The following CTNNA3 variants were observed in gnomAD, a reference collection of about 807,000 sequenced individuals.
The protein encoded by CTNNA3 is catenin alpha 3.
In CTNNA3, 76 loss-of-function variants were observed where a neutral mutation model predicts 95.7. That is an observed-to-expected ratio of 0.79 (90% CI 0.66 to 0.96). The LOEUF is 0.96. Among genes scored for constraint, CTNNA3 ranks in the 40% least tolerant of loss-of-function variants. CTNNA3 has a pLI of 0.00. For synonymous variants in CTNNA3, 431 were observed against 374.4 expected, an observed-to-expected ratio of 1.15 and a Z score of -1.74; for missense variants, 1,191 against 1,089.8, an observed-to-expected ratio of 1.09 and a Z score of -1.31.
At chr10:67,407,645 A>G (rs1845187732) in intron 5 of CTNNA3, among the ~76,000 whole-genome samples, 1 of 152,228 alleles carries the variant, frequency 6.6e-6, no homozygotes, top group Admixed American at 6.5e-5. Context: ...TGCAGGTGAC[A>G]TAATTGCGTA....
chr10:67,341,509 T>C (rs1428567075), intron 5 of CTNNA3, among the ~76,000 whole-genome samples: 2 of 152,238 alleles, frequency 1.3e-5, no homozygotes, highest in Non-Finnish European at 2.9e-5. Context: ...ATCCATGTGG[T>C]TCCAAATGAC....
intron 7 of CTNNA3, among the ~76,000 whole-genome samples, chr10:67,131,197 C>G (rs1386203263): frequency 6.6e-6 from 1 of 151,952 alleles, no homozygotes; most frequent in East Asian, 1.9e-4. Context: ...TCTAGGAAGC[C>G]TTTTCTGAGC....
chr10:66,685,729 A>G (rs1847274970), intron 9 of CTNNA3, among the ~76,000 whole-genome samples: 1 of 151,970 alleles, frequency 6.6e-6, no homozygotes, highest in Admixed American at 6.6e-5. Flanking sequence ...TAAAATGACC[A>G]TGAACAATTT....
At chr10:66,888,764 C>T (rs1005927571) in intron 7 of CTNNA3, among the ~76,000 whole-genome samples, 4 of 152,160 alleles carry the variant, frequency 2.6e-5, no homozygotes, top group African/African-American at 9.7e-5. Flanking sequence ...TCATTCATTG[C>T]TGCTGGGGAT....
chr10:66,584,830 T>G (rs1477656945), intron 10 of CTNNA3, among the ~76,000 whole-genome samples: 1 of 152,080 alleles, frequency 6.6e-6, no homozygotes, highest in Non-Finnish European at 1.5e-5. Flanking sequence ...TAACAACAAC[T>G]TGTTTCAAGA....
chr10:66,914,830 G>A (rs1192035639), intron 7 of CTNNA3, among the ~76,000 whole-genome samples: 1 of 152,018 alleles, frequency 6.6e-6, no homozygotes, highest in Non-Finnish European at 1.5e-5. Context: ...GCACATGAAT[G>A]TTTCTTTATT....
At chr10:67,159,476 T>C (rs1443672851) in intron 7 of CTNNA3, among the ~76,000 whole-genome samples, 1 of 152,124 alleles carries the variant, frequency 6.6e-6, no homozygotes, top group Non-Finnish European at 1.5e-5. Context: ...AAGACAGACA[T>C]ACAGACCAAT....
chr10:67,734,166 A>C (rs1261917410), intron 1 of CTNNA3, among the ~76,000 whole-genome samples: 1 of 152,140 alleles, frequency 6.6e-6, no homozygotes. Context: ...CAACAAAATT[A>C]CCATAACTTC....
intron 11 of CTNNA3, among the ~76,000 whole-genome samples, chr10:66,493,498 T>G (rs1839992487): frequency 6.6e-6 from 1 of 152,068 alleles, no homozygotes; most frequent in African/African-American, 2.4e-5. Flanking sequence ...CCTTGTCATT[T>G]AATTCTTTGG....
At chr10:67,367,050 T>C (rs898203861) in intron 5 of CTNNA3, among the ~76,000 whole-genome samples, 2 of 152,116 alleles carry the variant, frequency 1.3e-5, no homozygotes, top group Non-Finnish European at 2.9e-5. Context: ...AATTTATGGC[T>C]AAGTCCTGCA....
intron 6 of CTNNA3, among the ~76,000 whole-genome samples, chr10:67,195,703 A>G (rs1024406696): frequency 2.6e-5 from 4 of 152,070 alleles, no homozygotes; most frequent in Admixed American, 6.6e-5. Context: ...CATCCAATAT[A>G]TTTCAGATTC....
At chr10:67,510,761 T>G (rs1839598253) in intron 5 of CTNNA3, among the ~76,000 whole-genome samples, 2 of 152,190 alleles carry the variant, frequency 1.3e-5, no homozygotes, top group South Asian at 2.1e-4. Flanking sequence ...GGGGATGGTA[T>G]TGAATCTATA....
intron 5 of CTNNA3, among the ~76,000 whole-genome samples, chr10:67,441,525 A>G (rs993590624): frequency 5.9e-5 from 9 of 152,126 alleles, no homozygotes; most frequent in Non-Finnish European, 1.3e-4. Flanking sequence ...CAAAACTCCC[A>G]AAGTTCAAGG....
At chr10:65,961,375 C>A (rs188610157) in intron 17 of CTNNA3, among the ~76,000 whole-genome samples, 82 of 152,220 alleles carry the variant, frequency 5.4e-4, no homozygotes, top group African/African-American at 1.9e-3. Flanking sequence ...ATAAAAACAC[C>A]TTCTAAATGC....
chr10:66,224,358 C>G (rs967606932), intron 13 of CTNNA3, among the ~76,000 whole-genome samples: 2 of 152,194 alleles, frequency 1.3e-5, no homozygotes, highest in African/African-American at 4.8e-5. Context: ...ATGCCTGACA[C>G]ATTTTATACT....
chr10:66,934,939 T>C (rs568317324), intron 7 of CTNNA3, among the ~76,000 whole-genome samples: 1 of 152,140 alleles, frequency 6.6e-6, no homozygotes, highest in South Asian at 2.1e-4. Context: ...CTAAAGCTTA[T>C]TAATGAAGTG....
rs557461209 is a variant in CTNNA3 at position 65,925,602 on chromosome 10, A to G, written c.2401-4985T>C. Among the ~76,000 whole-genome samples the G allele has an allele frequency of 2.0e-5, 3 of 152,158 alleles. No individual in the cohort carries two copies. In the East Asian group the frequency reaches 5.8e-4, roughly 29 times the overall value. ...CAGGTGCATGCCACCATGCCTGGCT[A>G]ATTTTTCTGTTTTTAGTAGAGACGG... On this transcript the variant is annotated intron_variant, in intron 17 of 17. Transcript: ENST00000433211.
At chr10:66,477,321 TTATATAATA>T (rs1015862171) in intron 11 of CTNNA3, among the ~76,000 whole-genome samples, 1 of 152,124 alleles carries the variant, frequency 6.6e-6, no homozygotes, top group Non-Finnish European at 1.5e-5. Context: ...TTTGAATCTT[TTATATAATA>T]TTTCAGAGCT....
At chr10:66,873,718 A>G (rs560229401) in intron 7 of CTNNA3, among the ~76,000 whole-genome samples, 22 of 152,296 alleles carry the variant, frequency 1.4e-4, no homozygotes, top group African/African-American at 5.1e-4. Context: ...AGGCAGTATA[A>G]TGAAACTGGA....
Sources: allele counts gnomAD v4.1 joint callset (sites outside exome capture counted in the v4.1 genomes callset), GRCh38; gene constraint gnomAD v4.1.1; transcripts MANE v1.5; gene names NCBI Gene and HGNC (gene_info 2026-07-23, HGNC 2026-07-21).